The following DCC variants were observed in gnomAD, a reference collection of about 807,000 sequenced individuals.
DCC encodes the protein DCC netrin 1 receptor.
Under a neutral mutation model 172.5 loss-of-function variants are expected in DCC, and 58 were observed. The observed-to-expected ratio is 0.34, with a 90% CI of 0.27 to 0.42. The LOEUF (loss-of-function observed/expected upper bound fraction) is 0.42. DCC is among the 10% of genes least tolerant of loss of function. The pLI is 1.00. For missense variants in DCC, 1,740 were observed against 1,791.0 expected, an observed-to-expected ratio of 0.97 and a Z score of 0.51; for synonymous variants, 709 against 644.5, an observed-to-expected ratio of 1.10 and a Z score of -1.52.
intron 25 of DCC, among the ~76,000 whole-genome samples, chr18:53,482,464 G>C (rs1053508181): frequency 6.6e-6 from 1 of 152,072 alleles, no homozygotes; most frequent in African/African-American, 2.4e-5. Flanking sequence ...TGTAAGTTCA[G>C]TCTCTAGAGT....
chr18:52,434,629 TTTTTC>T (rs1378936429), intron 1 of DCC, among the ~76,000 whole-genome samples: 3 of 152,074 alleles, frequency 2.0e-5, no homozygotes, highest in African/African-American at 7.2e-5. Context: ...CAGTTTTTAA[TTTTTC>T]TTTTTTTTTT....
chr18:52,990,706 A>G (rs2041375753), intron 5 of DCC, among the ~76,000 whole-genome samples: 1 of 152,138 alleles, frequency 6.6e-6, no homozygotes, highest in Non-Finnish European at 1.5e-5. Flanking sequence ...ATGTATTGAT[A>G]TTTTGAAGAT....
chr18:53,109,612 C>G (rs1033406961), intron 7 of DCC, among the ~76,000 whole-genome samples: 3 of 126,808 alleles, frequency 2.4e-5, no homozygotes, highest in Admixed American at 9.2e-5. Flanking sequence ...TTCTTTCCTT[C>G]TTTCCTTAGC....
At chr18:52,700,135 G>A (rs974002112) in intron 1 of DCC, among the ~76,000 whole-genome samples, 3 of 150,988 alleles carry the variant, frequency 2.0e-5, no homozygotes, top group East Asian at 1.9e-4. Context: ...GCGCTCTCTC[G>A]CTCTCTTGCC....
intron 24 of DCC, among the ~76,000 whole-genome samples, chr18:53,460,699 G>C (rs2045547315): frequency 6.6e-6 from 1 of 151,972 alleles, no homozygotes; most frequent in African/African-American, 2.4e-5. Flanking sequence ...ATTTGGGTTG[G>C]TTCCAAGTCT....
chr18:53,067,242 C>T (rs995444432), intron 7 of DCC, among the ~76,000 whole-genome samples: 4 of 152,020 alleles, frequency 2.6e-5, no homozygotes, highest in African/African-American at 9.7e-5. Flanking sequence ...AGTATAAGTC[C>T]GGGCACAGTG....
chr18:52,696,704 T>C (rs1345242864), intron 1 of DCC, among the ~76,000 whole-genome samples: 1 of 152,156 alleles, frequency 6.6e-6, no homozygotes, highest in African/African-American at 2.4e-5. Flanking sequence ...CCAAAATTCA[T>C]GAATGACGGG....
At chr18:52,667,101 GT>G (rs2035470162) in intron 1 of DCC, among the ~76,000 whole-genome samples, 1 of 152,160 alleles carries the variant, frequency 6.6e-6, no homozygotes, top group Non-Finnish European at 1.5e-5. Flanking sequence ...AATAGAGCCA[GT>G]ATCTGTTGAG....
chr18:53,079,877 T>C (rs866916879), intron 7 of DCC, among the ~76,000 whole-genome samples: 4 of 152,172 alleles, frequency 2.6e-5, no homozygotes, highest in African/African-American at 9.6e-5. Flanking sequence ...TTATGTGTGG[T>C]TCTGTAAGGC....
intron 1 of DCC, among the ~76,000 whole-genome samples, chr18:52,367,297 C>T (rs977188956): frequency 6.6e-6 from 1 of 152,228 alleles, no homozygotes; most frequent in Non-Finnish European, 1.5e-5. Flanking sequence ...CTCCACACCT[C>T]CCTGCAAGCT....
At chr18:53,319,179 T>A (rs1313788727) in intron 13 of DCC, among the ~76,000 whole-genome samples, 2 of 152,134 alleles carry the variant, frequency 1.3e-5, no homozygotes, top group African/African-American at 4.8e-5. Context: ...TAAAGACCAT[T>A]GACACCATGA....
chr18:52,378,470 T>C (rs1265558531), intron 1 of DCC, among the ~76,000 whole-genome samples: 2 of 152,110 alleles, frequency 1.3e-5, no homozygotes, highest in Non-Finnish European at 2.9e-5. Context: ...ACAGTGGACT[T>C]TACACTTCAG....
chr18:52,583,734 A>G (rs143606062), intron 1 of DCC, among the ~76,000 whole-genome samples: 85 of 152,352 alleles, frequency 5.6e-4, no homozygotes, highest in African/African-American at 2.0e-3. Flanking sequence ...AGTTAACAGT[A>G]ATTCTGGTTG....
Position 52,752,254 on chromosome 18 carries a change from C to A in DCC, c.292C>A (p.Leu98Met). The change falls in exon 2 of 29, where the codon CTG (leucine) becomes ATG (methionine). Residue 98 changes from leucine (L) to methionine (M), a missense_variant. Around this residue, in one of 2 missense-constraint regions of DCC, gnomAD observed 1,732 missense variants for 1,767.4 expected, o/e 0.98. Transcript: ENST00000442544. ...RKQQLSNGSLLIQNILHSRHH... is the reference protein window; with the variant it reads ...RKQQLSNGSLMIQNILHSRHH... ...GCAGCAACTTTCAAATGGGTCTCTG[C>A]TGATACAAAACATACTTCATTCCAG... 6.2e-7 allele frequency: 1 copy of A among 1,614,174 alleles called. No individual in the cohort carries two copies. Among genetic ancestry groups the A allele is most frequent in the Non-Finnish European group, 8.5e-7 (1 of 1,180,028 alleles).
chr18:53,431,471 T>TTTG (rs750287450), intron 21 of DCC, among the ~76,000 whole-genome samples: 45 of 129,742 alleles, frequency 3.5e-4, no homozygotes, highest in East Asian at 5.9e-4. Flanking sequence ...CACTTTGTTT[T>TTTG]TTGTTGTTGT....
intron 5 of DCC, among the ~76,000 whole-genome samples, chr18:53,056,284 A>G (rs1459212718): frequency 1.3e-5 from 2 of 152,080 alleles, no homozygotes; most frequent in African/African-American, 4.8e-5. Context: ...AGAACTCACT[A>G]TCATGAGAAC....
chr18:53,206,360 TATGTATTGTA>T (rs2055637609), intron 10 of DCC, among the ~76,000 whole-genome samples: 1 of 50,170 alleles, frequency 2.0e-5, no homozygotes, highest in Non-Finnish European at 4.7e-5. Flanking sequence ...TATATACATA[TATGTATTGTA>T]ACACATATAT....
intron 15 of DCC, among the ~76,000 whole-genome samples, chr18:53,368,065 T>C (rs1474233852): frequency 1.3e-5 from 2 of 152,190 alleles, no homozygotes. Flanking sequence ...AGGGTTCCTA[T>C]TTCTCTACAA....
intron 1 of DCC, among the ~76,000 whole-genome samples, chr18:52,512,664 G>A (rs2031484573): frequency 6.6e-6 from 1 of 152,162 alleles, no homozygotes; most frequent in Admixed American, 6.5e-5. Context: ...ATAGGCAGAA[G>A]CCCTGTCCTG....
Sources: allele counts gnomAD v4.1 joint callset (sites outside exome capture counted in the v4.1 genomes callset), GRCh38; gene constraint gnomAD v4.1.1; regional missense constraint gnomAD v4.1.1; transcripts MANE v1.5; gene names NCBI Gene and HGNC (gene_info 2026-07-23, HGNC 2026-07-21).